IGSF10: variants seen among roughly 807,000 people sequenced by gnomAD.
IGSF10 encodes the protein calvaria mechanical force protein 608.
A neutral mutation model predicts 128.2 loss-of-function variants in IGSF10; 126 were observed. The ratio of observed to expected loss-of-function variants is 0.98; its 90% CI spans 0.85 to 1.14. The LOEUF is 1.14. Ranked by LOEUF, IGSF10 falls within the 50% of genes most tolerant of loss-of-function variation. The pLI is 0.00. For missense variants in IGSF10, 3,295 were observed against 3,149.8 expected, an observed-to-expected ratio of 1.05 and a Z score of -1.10; for synonymous variants, 1,185 against 1,146.2, an observed-to-expected ratio of 1.03 and a Z score of -0.68.
the IGSF10 span, among the ~76,000 whole-genome samples, chr3:151,521,946 G>C: frequency 1.3e-5 from 2 of 150,842 alleles, no homozygotes; most frequent in African/African-American, 2.4e-5. Context: ...AATAAGACAG[G>C]CCACACTAGC....
At chr3:151,439,024 T>C (rs1720666376) in intron 7 of IGSF10, among the ~76,000 whole-genome samples, 1 of 152,128 alleles carries the variant, frequency 6.6e-6, no homozygotes, top group African/African-American at 2.4e-5. Context: ...AATTATCTAA[T>C]TGAACAGGTA....
the IGSF10 span, among the ~76,000 whole-genome samples, chr3:151,487,950 A>G: frequency 1.5e-4 from 23 of 152,184 alleles, no homozygotes; most frequent in Non-Finnish European, 3.2e-4. Flanking sequence ...CACCACTCCT[A>G]TTAAACATAG....
At chr3:151,619,468 G>GTGTGTT in the IGSF10 span, among the ~76,000 whole-genome samples, 1 of 141,738 alleles carries the variant, frequency 7.1e-6, no homozygotes, top group African/African-American at 2.6e-5. Flanking sequence ...GTGTGTGTGT[G>GTGTGTT]TGTGTATGTA....
At chr3:151,542,963 C>T in the IGSF10 span, among the ~76,000 whole-genome samples, 1 of 152,118 alleles carries the variant, frequency 6.6e-6, no homozygotes, top group Non-Finnish European at 1.5e-5. Flanking sequence ...TAAAAATGTG[C>T]TTTATCTTCA....
At chr3:151,578,227 A>G in the IGSF10 span, among the ~76,000 whole-genome samples, 1 of 152,206 alleles carries the variant, frequency 6.6e-6, no homozygotes, top group African/African-American at 2.4e-5. Context: ...CCTAGAGCCT[A>G]ACTGTAGGGT....
chr3:151,466,560 C>T, the IGSF10 span, among the ~76,000 whole-genome samples: 24 of 152,092 alleles, frequency 1.6e-4, no homozygotes, highest in Non-Finnish European at 2.8e-4. Flanking sequence ...GGGCCCAGCA[C>T]GTGTTTTTGT....
Position 151,449,217 on chromosome 3 carries a change from C to G in IGSF10, c.764G>C (p.Cys255Ser). The change falls in exon 6 of 8, where the codon TGT becomes TCT. Residue 255 changes from cysteine (C) to serine (S), a missense_variant. Coordinates refer to ENST00000282466, the MANE Select transcript of IGSF10 (RefSeq NM_178822.5). ...AGTCCTAGGGTTCATGCAAAGTGGA[C>G]ACTGCTGAGCACTAGAGGGACTTCT... ...KDRSPSSAQQ[C>S]PLCMNPRTSK... is the part of the protein sequence containing the mutation. 1 of 1,610,492 alleles carries G rather than the reference C, an allele frequency of 6.2e-7. No individual in the cohort carries two copies.
chr3:151,604,746 A>ATG, the IGSF10 span, among the ~76,000 whole-genome samples: 2 of 152,048 alleles, frequency 1.3e-5, no homozygotes, highest in Non-Finnish European at 2.9e-5. Context: ...TAGACTTTAA[A>ATG]AATATGGACA....
chr3:151,522,147 A>G, the IGSF10 span, among the ~76,000 whole-genome samples: 28 of 152,146 alleles, frequency 1.8e-4, no homozygotes, highest in Admixed American at 3.9e-4. Flanking sequence ...AGACTGAACC[A>G]GGAAGAAAAT....
the IGSF10 span, among the ~76,000 whole-genome samples, chr3:151,496,792 C>A: frequency 3.3e-5 from 5 of 151,918 alleles, no homozygotes; most frequent in African/African-American, 1.2e-4. Context: ...AACAGTCCCA[C>A]CAACAGTGTA....
At chr3:151,617,014 T>A in the IGSF10 span, among the ~76,000 whole-genome samples, 11 of 152,186 alleles carry the variant, frequency 7.2e-5, no homozygotes, top group African/African-American at 2.7e-4. Context: ...ATGCCTGCAC[T>A]GGTGAGCCCA....
intron 4 of IGSF10, among the ~76,000 whole-genome samples, chr3:151,455,090 T>C (rs1254761637): frequency 6.6e-6 from 1 of 152,062 alleles, no homozygotes; most frequent in Non-Finnish European, 1.5e-5. Flanking sequence ...TAGAAACTTC[T>C]AAATAAAGTT....
chr3:151,492,673 G>A, the IGSF10 span, among the ~76,000 whole-genome samples: 85 of 152,198 alleles, frequency 5.6e-4, no homozygotes, highest in African/African-American at 1.9e-3. Flanking sequence ...AACCAAGATC[G>A]CGCCACTGCA....
chr3:151,584,497 C>T, the IGSF10 span, among the ~76,000 whole-genome samples: 2 of 152,134 alleles, frequency 1.3e-5, no homozygotes, highest in Non-Finnish European at 2.9e-5. Flanking sequence ...TTTTCTCTCT[C>T]CCTCTTGCTT....
At chr3:151,465,462 G>A (rs2108590211), upstream of IGSF10, among the ~76,000 whole-genome samples, 1 of 152,328 alleles carries the variant, frequency 6.6e-6, no homozygotes, top group Middle Eastern at 3.4e-3. Flanking sequence ...AAAAGCCATT[G>A]GTTGAGGTTT....
chr3:151,537,735 T>A, the IGSF10 span, among the ~76,000 whole-genome samples: 1 of 152,094 alleles, frequency 6.6e-6, no homozygotes, highest in Non-Finnish European at 1.5e-5. Context: ...AAAATAATAA[T>A]CTCTTCTAGG....
the IGSF10 span, among the ~76,000 whole-genome samples, chr3:151,534,556 A>G: frequency 1.3e-5 from 2 of 151,932 alleles, no homozygotes; most frequent in East Asian, 1.9e-4. Context: ...ACACAAGAAC[A>G]AAAAACCAAA....
In IGSF10 at chr3:151,446,159, C is replaced by G. The variant is rs200804011; in HGVS notation, c.3822G>C (p.Thr1274=). The G allele has an allele frequency of 5.2e-4, 834 of 1,614,038 alleles. No homozygotes were observed. Among genetic ancestry groups the G allele is most frequent in the Non-Finnish European group, 6.4e-4 (756 of 1,180,022 alleles). The change falls in exon 6 of 8, where the codon ACG becomes ACC. Residue 1274 remains threonine, a synonymous_variant. Transcript: ENST00000282466. ...SNTLTTAHHT[T]TKTHNPGSLP... ...GACTTCCAGGATTGTGTGTTTTGGT[C>G]GTAGTGTGGTGAGCGGTAGTCAAGG...
the IGSF10 span, among the ~76,000 whole-genome samples, chr3:151,489,668 G>T: frequency 5.9e-5 from 9 of 152,136 alleles, no homozygotes; most frequent in Non-Finnish European, 1.3e-4. Context: ...CATGTCCTTT[G>T]CAGGCACATG....
Sources: allele counts gnomAD v4.1 joint callset (sites outside exome capture counted in the v4.1 genomes callset), GRCh38; gene constraint gnomAD v4.1.1; transcripts MANE v1.5; gene names NCBI Gene and HGNC (gene_info 2026-07-23, HGNC 2026-07-21).